COQ8A: variants seen among roughly 807,000 people sequenced by gnomAD.
The protein encoded by COQ8A is coenzyme Q8A.
In COQ8A, 51 loss-of-function variants were observed where a neutral mutation model predicts 65.0. The observed-to-expected ratio is 0.78, with a 90% CI of 0.63 to 0.99. COQ8A has a LOEUF of 0.99. Among genes scored for constraint, COQ8A ranks in the 50% least tolerant of loss-of-function variants. The pLI is 0.00. For synonymous variants in COQ8A, 371 were observed against 353.2 expected, an observed-to-expected ratio of 1.05 and a Z score of -0.57; for missense variants, 940 against 875.0, an observed-to-expected ratio of 1.07 and a Z score of -0.94.
intron 2 of COQ8A, among the ~76,000 whole-genome samples, chr1:226,964,094 TAGAC>T (rs1658415635): frequency 6.6e-6 from 1 of 152,218 alleles, no homozygotes; most frequent in South Asian, 2.1e-4. Context: ...TGTGACATCT[TAGAC>T]AGCAGAACGT....
intron 1 of COQ8A, among the ~76,000 whole-genome samples, chr1:226,943,824 C>T (rs1220368437): frequency 3.9e-5 from 6 of 152,282 alleles, no homozygotes; most frequent in Middle Eastern, 3.4e-3. Context: ...CATCACCCTC[C>T]GAAATTTCCC....
At chr1:226,942,420 G>T (rs1656762584) in intron 1 of COQ8A, among the ~76,000 whole-genome samples, 1 of 152,020 alleles carries the variant, frequency 6.6e-6, no homozygotes, top group African/African-American at 2.4e-5. Flanking sequence ...TGGCTGGGTT[G>T]GGGGTGCTGG....
chr1:226,964,666 C>T (rs139521647), intron 2 of COQ8A, among the ~76,000 whole-genome samples: 2 of 152,246 alleles, frequency 1.3e-5, no homozygotes, highest in African/African-American at 4.8e-5. Flanking sequence ...TTACCATCTC[C>T]AAAGCCCTGG....
At chr1:226,968,645 A>G (rs1658701502) in intron 4 of COQ8A, among the ~76,000 whole-genome samples, 1 of 152,146 alleles carries the variant, frequency 6.6e-6, no homozygotes, top group African/African-American at 2.4e-5. Context: ...GTTATGAAGG[A>G]AAGGGATTGC....
At chr1:226,950,576 A>T (rs769554403) in intron 1 of COQ8A, among the ~76,000 whole-genome samples, 1 of 152,212 alleles carries the variant, frequency 6.6e-6, no homozygotes, top group Non-Finnish European at 1.5e-5. Context: ...TTTGAAAATG[A>T]TTGAGTTAAT....
intron 5 of COQ8A, among the ~76,000 whole-genome samples, chr1:226,978,285 C>G (rs1314043064): frequency 7.5e-6 from 1 of 133,074 alleles, no homozygotes; most frequent in Admixed American, 7.9e-5. Context: ...ACCCGCACAC[C>G]TCCTTACACA....
chr1:226,985,922 G>C (rs1027903605), intron 14 of COQ8A, among the ~76,000 whole-genome samples: 9 of 151,990 alleles, frequency 5.9e-5, no homozygotes, highest in Admixed American at 2.0e-4. Flanking sequence ...GCTCTCTCCC[G>C]CCTCTTCCTT....
In COQ8A at chr1:226,985,359, G is replaced by C. The variant is rs752541423; in HGVS notation, c.1659+19G>C. On this transcript the variant is annotated intron_variant, in intron 14 of 14. Transcript: ENST00000366777. ...GGTCAAGGTGAGCAGGGTTGCGGGGGATCCCCTGGGCCTGCTGACCCAGGG... is the reference window on the plus strand; with the variant it reads ...GGTCAAGGTGAGCAGGGTTGCGGGGCATCCCCTGGGCCTGCTGACCCAGGG... 2 of 1,612,162 alleles carry C rather than the reference G, an allele frequency of 1.2e-6. No individual in the cohort carries two copies. The highest frequency in any genetic ancestry group is 2.7e-5 in the African/African-American group (2 of 74,894).
At chr1:226,945,790 C>T (rs115157668) in intron 1 of COQ8A, among the ~76,000 whole-genome samples, 2,365 of 152,294 alleles carry the variant, frequency 0.016, 64 homozygotes, top group African/African-American at 0.053. Flanking sequence ...TAGACAGGGA[C>T]GGGGGTGACG....
rs1558212251 is a variant in COQ8A, at chr1:226,986,769, G to A, written c.*32G>A. 1 of 1,603,460 alleles carries A rather than the reference G, an allele frequency of 6.2e-7. No homozygotes were observed. Among genetic ancestry groups the A allele is most frequent in the African/African-American group, 1.3e-5 (1 of 74,964 alleles). The stretch of plus-strand genomic sequence containing the variant: ...GGGCCACGCCCAGGCCGGCTCCGCG[G>A]GAACTCTCTCCCTCAGACAGGCCAA... On this transcript the variant is annotated 3_prime_UTR_variant, in exon 15 of 15. Coordinates refer to ENST00000366777, the MANE Select transcript of COQ8A (RefSeq NM_020247.5).
chr1:226,978,401 G>A (rs111069272), intron 5 of COQ8A, among the ~76,000 whole-genome samples: 11,821 of 60,966 alleles, frequency 0.19, 600 homozygotes, highest in Middle Eastern at 0.32. Flanking sequence ...CCAAACACCC[G>A]CACACCTTGC....
Position 226,983,020 on chromosome 1 carries a change from G to T in COQ8A, c.1066G>T (p.Ala356Ser). The change falls in exon 8 of 15, where the codon GCC becomes TCC. Residue 356 changes from alanine (A) to serine (S), a missense_variant. By Grantham distance (99) the Ala-to-Ser change is moderately conservative. Coordinates refer to ENST00000366777, the MANE Select transcript of COQ8A (RefSeq NM_020247.5). ...CCGAATGAAGGGCGGCCGCGAGGTG[G>T]CCATGAAGATCCAGGTAGGCGGCCT... Reference protein sequence around the residue: ...LARMKGGREVAMKIQYPGVAQ... With the variant: ...LARMKGGREVSMKIQYPGVAQ... 6.3e-7 allele frequency: 1 copy of T among 1,589,928 alleles called. No homozygotes were observed. The highest frequency in any genetic ancestry group is 8.6e-7 in the Non-Finnish European group (1 of 1,169,340).
chr1:226,973,916 C>T (rs546727333), intron 4 of COQ8A, among the ~76,000 whole-genome samples: 3 of 152,312 alleles, frequency 2.0e-5, no homozygotes, highest in East Asian at 1.9e-4. Context: ...GAAACTCCCC[C>T]GAGCCCTTCT....
At chr1:226,983,506 C>T (rs1659845905) in intron 8 of COQ8A, 46 bp from the exon 9 acceptor site, 6 of 1,571,390 alleles carry the variant, frequency 3.8e-6, no homozygotes, top group Non-Finnish European at 4.4e-6. Context: ...GCAGGGCCCA[C>T]CCGTCTCCCT....
At position 226,987,112 on chromosome 1, in the gene COQ8A, C is replaced by G. The variant is rs984378130; in HGVS notation, c.*375C>G. Reference sequence around the variant, plus strand: ...CAAAACCCAGAAACATGAACAGATACGATTGTGGGATTTTATCATCTGTGT... The same window carrying G: ...CAAAACCCAGAAACATGAACAGATAGGATTGTGGGATTTTATCATCTGTGT... On this transcript the variant is annotated 3_prime_UTR_variant, in exon 15 of 15. Coordinates refer to ENST00000366777, the MANE Select transcript of COQ8A (RefSeq NM_020247.5). The G allele has an allele frequency of 3.5e-6, 1 of 286,884 alleles. No homozygotes were observed. The highest frequency in any genetic ancestry group is 6.8e-6 in the Non-Finnish European group (1 of 146,682). The allele number at this position is 286,884 out of a possible 1,614,324, so 17.8% of individuals were successfully genotyped here.
intron 4 of COQ8A, among the ~76,000 whole-genome samples, chr1:226,976,264 C>T (rs1659209349): frequency 8.2e-6 from 1 of 121,912 alleles, no homozygotes; most frequent in African/African-American, 3.2e-5. Context: ...GCGATGTTGC[C>T]TGGCTGCGGG....
chr1:226,982,282 G>A, intron 6 of COQ8A, 133 bp downstream of exon 6: 1 of 1,342,236 alleles, frequency 7.5e-7, no homozygotes, highest in Non-Finnish European at 1.0e-6. Context: ...GATCTTAGAA[G>A]ATAATAGGCC....
chr1:226,974,469 C>T lies in COQ8A; in HGVS notation c.656-2980C>T, dbSNP rs1360436686. Among the ~76,000 whole-genome samples, 3 of 152,284 alleles carry T rather than the reference C, an allele frequency of 2.0e-5. No individual in the cohort carries two copies. The East Asian group carries it at 5.8e-4, about 29-fold the overall frequency. ...CTGAGCAGGGAGAGGTGTGAGGTGT[C>T]CTGAGGGCTGTGGGGGTGCCGAGTG... is the stretch of plus-strand genomic sequence containing the variant. On this transcript the variant is annotated intron_variant, in intron 4 of 14. Coordinates refer to ENST00000366777, the MANE Select transcript of COQ8A (RefSeq NM_020247.5).
intron 2 of COQ8A, among the ~76,000 whole-genome samples, chr1:226,964,346 C>T (rs749555041): frequency 2.6e-5 from 4 of 152,150 alleles, no homozygotes; most frequent in Non-Finnish European, 5.9e-5. Flanking sequence ...ACTCCTGGTT[C>T]AGAAGCAGAA....
Sources: allele counts gnomAD v4.1 joint callset (sites outside exome capture counted in the v4.1 genomes callset), GRCh38; gene constraint gnomAD v4.1.1; transcripts MANE v1.5; gene names NCBI Gene and HGNC (gene_info 2026-07-23, HGNC 2026-07-21).